TRIM66: variants seen among roughly 807,000 people sequenced by gnomAD.
TRIM66 encodes tripartite motif-containing protein 66.
In TRIM66, 99 loss-of-function variants were observed where a neutral mutation model predicts 148.2. That is an observed-to-expected ratio of 0.67 (90% CI 0.57 to 0.79). TRIM66 has a LOEUF of 0.79. TRIM66 is among the 30% of genes least tolerant of loss of function. The pLI, the probability that TRIM66 is intolerant of heterozygous loss-of-function variation, is 0.00. For synonymous variants in TRIM66, 616 were observed against 635.9 expected (o/e 0.97, Z 0.47); for missense variants, 1,666 against 1,697.9 (o/e 0.98, Z 0.33).
At position 8,621,050 on chromosome 11, in the gene TRIM66, G is replaced by A. The variant is rs763965707; in HGVS notation, c.3527C>T (p.Ala1176Val). Reference sequence around the variant, plus strand: ...GACTCACCCTGGGAAGCTGAGCAAGGCTGGCACATGGCAGGAGAGGTGGAA... The same window carrying A: ...GACTCACCCTGGGAAGCTGAGCAAGACTGGCACATGGCAGGAGAGGTGGAA... ...KVFHLSCHVP[A>V]LLSFPGGEWV... is the part of the protein sequence containing the mutation. The change falls in exon 20 of 25, where the codon GCC becomes GTC. Residue 1176 changes from alanine (A) to valine (V), a missense_variant. Ala to Val is a moderately conservative substitution (Grantham distance 64). This residue lies in a region of TRIM66 where 31 missense variants were observed against 54.4 expected (regional missense o/e 0.57). Coordinates refer to ENST00000646038, the MANE Select transcript of TRIM66 (RefSeq NM_001388022.1). The A allele has an allele frequency of 5.2e-6, 8 of 1,551,558 alleles. No individual in the cohort carries two copies. In the African/African-American group the frequency reaches 1.1e-4, roughly 21 times the overall value.
chr11:8,638,773 G>C lies in TRIM66; in HGVS notation c.2191C>G (p.Leu731Val), dbSNP rs1249960164. Residue 731 changes from leucine to valine, a missense_variant, in exon 15 of 25, where the codon CTC becomes GTC. Coordinates refer to ENST00000646038, the MANE Select transcript of TRIM66 (RefSeq NM_001388022.1). ...GCAGCAGTATTCTTGTCAAGAGGGA[G>C]AGCCGGCTTTGAGCCCTGAGATGCT... ...PPASQGSKPALPLDKNTAAAL... is the reference protein window; with the variant it reads ...PPASQGSKPAVPLDKNTAAAL... The C allele has an allele frequency of 1.3e-6, 2 of 1,551,136 alleles. No individual in the cohort carries two copies. The highest frequency in any genetic ancestry group is 1.4e-5 in the African/African-American group (1 of 72,984).
At chr11:8,620,356 C>G in intron 21 of TRIM66, 90 bp downstream of exon 21, 1 of 1,507,810 alleles carries the variant, frequency 6.6e-7, no homozygotes, top group African/African-American at 1.4e-5. Flanking sequence ...TCCAGAAAAG[C>G]CCCTCATCCC....
At chr11:8,658,483 G>T (rs1027871835) in intron 6 of TRIM66, among the ~76,000 whole-genome samples, 1 of 152,172 alleles carries the variant, frequency 6.6e-6, no homozygotes, top group Non-Finnish European at 1.5e-5. Flanking sequence ...GCTGGAACCT[G>T]CCCCGATCCG....
At chr11:8,648,295 C>T in intron 9 of TRIM66, 121 bp downstream of exon 9, 2 of 1,445,570 alleles carry the variant, frequency 1.4e-6, no homozygotes, top group Non-Finnish European at 1.9e-6. Flanking sequence ...AACTTCAGCC[C>T]AGGGGCTGCA....
chr11:8,633,181 G>A (rs1266237888), intron 15 of TRIM66, among the ~76,000 whole-genome samples: 1 of 152,150 alleles, frequency 6.6e-6, no homozygotes, highest in Non-Finnish European at 1.5e-5. Context: ...AATTAGCCAG[G>A]CATGGTGGAA....
intron 6 of TRIM66, among the ~76,000 whole-genome samples, chr11:8,665,821 C>T (rs567516034): frequency 5.3e-5 from 8 of 151,892 alleles, no homozygotes; most frequent in African/African-American, 1.4e-4. Flanking sequence ...TGGTGGTGGG[C>T]GCCTGTAGTC....
chr11:8,619,026 G>A (rs1428583689), intron 23 of TRIM66, 58 bp from the exon 24 acceptor site: 13 of 1,475,748 alleles, frequency 8.8e-6, no homozygotes, highest in Admixed American at 2.0e-5. Context: ...CATCTCTTTC[G>A]GGTCCCTCAA....
intron 6 of TRIM66, among the ~76,000 whole-genome samples, chr11:8,653,210 T>A (rs2037517082): frequency 6.6e-6 from 1 of 152,190 alleles, no homozygotes; most frequent in Non-Finnish European, 1.5e-5. Flanking sequence ...AATCCTACCA[T>A]CAAAAGGTAA....
intron 8 of TRIM66, among the ~76,000 whole-genome samples, chr11:8,649,253 C>T (rs2037137413): frequency 6.6e-6 from 1 of 152,044 alleles, no homozygotes; most frequent in Non-Finnish European, 1.5e-5. Context: ...GCAGGAGAAT[C>T]GCTTGAACCC....
intron 7 of TRIM66, among the ~76,000 whole-genome samples, chr11:8,650,520 C>G (rs893197329): frequency 1.3e-5 from 2 of 151,758 alleles, no homozygotes; most frequent in African/African-American, 4.8e-5. Flanking sequence ...GGAGGAGGAG[C>G]AGCAGCAGCA....
At chr11:8,634,974 A>C (rs2035751511) in intron 15 of TRIM66, among the ~76,000 whole-genome samples, 1 of 152,104 alleles carries the variant, frequency 6.6e-6, no homozygotes, top group Non-Finnish European at 1.5e-5. Context: ...AGGACAAAAC[A>C]CCTTTACCAG....
chr11:8,637,504 A>G (rs879357449), intron 15 of TRIM66, among the ~76,000 whole-genome samples: 8 of 152,138 alleles, frequency 5.3e-5, no homozygotes, highest in Admixed American at 5.2e-4. Flanking sequence ...AGGCACAGAC[A>G]AAAAGCCTCA....
In TRIM66 at chr11:8,625,169, A is replaced by T. The variant is rs1484416350; in HGVS notation, c.2370T>A (p.Ser790=). 1.3e-6 allele frequency: 2 copies of T among 1,541,264 alleles called. No homozygotes were observed. The highest frequency in any genetic ancestry group is 2.0e-5 in the Admixed American group (1 of 50,560). ...FSNTLEMELS[S]TRLERPLEPQ... The stretch of plus-strand genomic sequence containing the variant: ...GCTCTAGGGGCCTCTCCAACCTGGT[A>T]GATGACAACTCCATCTCCAGAGTGT... Residue 790 remains serine, a synonymous_variant, in exon 16 of 25, where the codon TCT becomes TCA. Transcript: ENST00000646038.
chr11:8,676,302 C>T (rs2039174205), intron 3 of TRIM66, among the ~76,000 whole-genome samples: 1 of 151,614 alleles, frequency 6.6e-6, no homozygotes, highest in East Asian at 1.9e-4. Context: ...AGTTTGGTGC[C>T]CAAAACATCA....
intron 4 of TRIM66, among the ~76,000 whole-genome samples, chr11:8,673,919 G>A (rs1482379366): frequency 6.6e-6 from 1 of 152,250 alleles, no homozygotes; most frequent in Non-Finnish European, 1.5e-5. Flanking sequence ...CTTCAGGAAG[G>A]AGGAAGGGTG....
At chr11:8,625,268 C>G (rs2034711905) in intron 15 of TRIM66, 40 bp from the exon 16 acceptor site, 1 of 1,458,900 alleles carries the variant, frequency 6.9e-7, no homozygotes, top group Non-Finnish European at 9.1e-7. Context: ...AGGCTGCTAG[C>G]TGGGAATGGA....
At chr11:8,656,565 T>A (rs866026553) in intron 6 of TRIM66, among the ~76,000 whole-genome samples, 1 of 152,326 alleles carries the variant, frequency 6.6e-6, no homozygotes, top group Middle Eastern at 3.4e-3. Context: ...ATTTAGTCCA[T>A]CTGTCACAAG....
intron 13 of TRIM66, among the ~76,000 whole-genome samples, chr11:8,642,521 G>A (rs2036487542): frequency 3.3e-5 from 5 of 152,096 alleles, no homozygotes; most frequent in Admixed American, 2.6e-4. Context: ...AAATGCACAA[G>A]GCCATGAATT....
intron 1 of TRIM66, among the ~76,000 whole-genome samples, chr11:8,680,391 C>G (rs534555014): frequency 1.3e-5 from 2 of 152,174 alleles, no homozygotes; most frequent in South Asian, 4.1e-4. Context: ...AGAATGCAGG[C>G]AGAGTGAACA....
Sources: gnomAD v4.1 joint callset for allele counts (sites outside exome capture counted in the v4.1 genomes callset) on GRCh38, gnomAD v4.1.1 for gene constraint, gnomAD v4.1.1 regional missense constraint, MANE v1.5 for transcripts, NCBI Gene and HGNC (gene_info 2026-07-23, HGNC 2026-07-21) for gene names.